HERC2: variants seen among roughly 807,000 people sequenced by gnomAD.
HERC2 encodes the protein E3 ubiquitin-protein ligase HERC2.
HERC2 carries 102 observed loss-of-function variants against 537.7 expected under a neutral mutation model. The ratio of observed to expected loss-of-function variants is 0.19; its 90% CI spans 0.16 to 0.22. The LOEUF (loss-of-function observed/expected upper bound fraction) is 0.22. Ranked by LOEUF, HERC2 falls within the 10% of genes least tolerant of loss-of-function variation. The probability of loss-of-function intolerance (pLI) is 1.00; values close to 1 mark genes in which losing one functional copy is unlikely to be tolerated. For missense variants in HERC2, 4,236 were observed against 6,198.2 expected (o/e 0.68, Z 10.63); for synonymous variants, 2,224 against 2,466.2 (o/e 0.90, Z 2.91).
At chr15:28,192,298 C>T (rs1896926841) in intron 52 of HERC2, 147 bp from the exon 53 acceptor site, 3 of 657,156 alleles carry the variant, frequency 4.6e-6, no homozygotes, top group Non-Finnish European at 7.6e-6. Flanking sequence ...CAAATGGTTT[C>T]CCTAGTCAAG....
intron 7 of HERC2, chr15:28,273,208 A>C: frequency 1.7e-6 from 1 of 603,308 alleles, no homozygotes. Flanking sequence ...ATTTTATTTA[A>C]AGTGTTCACT....
chr15:28,155,487 G>A (rs1892905326), intron 69 of HERC2, among the ~76,000 whole-genome samples: 1 of 152,088 alleles, frequency 6.6e-6, no homozygotes, highest in Admixed American at 6.5e-5. Flanking sequence ...ATCTTATTGT[G>A]GTTTTGATTT....
At chr15:28,209,782 T>C (rs1014979851) in intron 44 of HERC2, among the ~76,000 whole-genome samples, 3 of 152,164 alleles carry the variant, frequency 2.0e-5, no homozygotes, top group African/African-American at 7.2e-5. Context: ...CCCATGGATA[T>C]TCAGGGAAGA....
chr15:28,260,722 A>C (rs529908992), intron 16 of HERC2, 55 bp downstream of exon 16: 206 of 1,486,912 alleles, frequency 1.4e-4, no homozygotes, highest in Non-Finnish European at 1.8e-4. Context: ...ACTGGTAATG[A>C]ACAACTGGAA....
intron 38 of HERC2, among the ~76,000 whole-genome samples, chr15:28,216,276 C>T (rs1947954703): frequency 6.6e-6 from 1 of 152,026 alleles, no homozygotes; most frequent in African/African-American, 2.4e-5. Flanking sequence ...TAAATATCTC[C>T]ACAATCTTGC....
At chr15:28,127,817 A>C (rs1269985371) in intron 83 of HERC2, among the ~76,000 whole-genome samples, 1 of 152,176 alleles carries the variant, frequency 6.6e-6, no homozygotes, top group Non-Finnish European at 1.5e-5. Flanking sequence ...AAATAAATAG[A>C]CTATATACCC....
At chr15:28,317,076 A>G (rs914296221) in intron 2 of HERC2, among the ~76,000 whole-genome samples, 7 of 151,146 alleles carry the variant, frequency 4.6e-5, no homozygotes, top group Admixed American at 4.6e-4. Flanking sequence ...ATCTACTGAT[A>G]TTTCTAAGCA....
intron 2 of HERC2, among the ~76,000 whole-genome samples, chr15:28,311,330 T>A (rs1314193482): frequency 6.6e-6 from 1 of 152,234 alleles, no homozygotes; most frequent in Non-Finnish European, 1.5e-5. Context: ...CCAGGCGTGG[T>A]GGTACGCACC....
chr15:28,213,778 C>T lies in HERC2; in HGVS notation c.6750G>A (p.Arg2250=). 6.2e-7 allele frequency: 1 copy of T among 1,614,004 alleles called. No individual in the cohort carries two copies. Among genetic ancestry groups the T allele is most frequent in the African/African-American group, 1.3e-5 (1 of 75,056 alleles). ...GATTCAATGGGCAAACGCGACACGT[C>T]CGCATGTCAGAGAACTGCACGGTGA... ...GKITVQFSDM[R]TCRVCPLNQL... The change falls in exon 42 of 93, where the codon CGG becomes CGA. Residue 2250 remains arginine, a synonymous_variant. Coordinates refer to ENST00000261609, the MANE Select transcript of HERC2 (RefSeq NM_004667.6).
intron 83 of HERC2, among the ~76,000 whole-genome samples, chr15:28,126,875 TA>T (rs1210747356): frequency 1.3e-5 from 2 of 152,090 alleles, no homozygotes; most frequent in Non-Finnish European, 2.9e-5. Context: ...AAAATAAATT[TA>T]AAAAATAACA....
At position 28,268,648 on chromosome 15, in the gene HERC2, C is replaced by T; in HGVS notation, c.1447-32G>A. 6.3e-7 allele frequency: 1 copy of T among 1,592,192 alleles called. No homozygotes were observed. ...AAGGAAAAATACGAAGAAAAGTAGT[C>T]ATCAGTCCAAGGAAAATGAAACCAG... On this transcript the variant is annotated intron_variant, in intron 11 of 92. Transcript: ENST00000261609. This position sits in a 1 kb window ranked among gnomAD's most constrained non-coding sequence, Gnocchi z 4.7.
chr15:28,240,241 AC>A (rs1472868725), intron 23 of HERC2, among the ~76,000 whole-genome samples: 2 of 152,146 alleles, frequency 1.3e-5, no homozygotes, highest in Non-Finnish European at 2.9e-5. Flanking sequence ...ACACGGTGAA[AC>A]CCCATCTCTA....
intron 19 of HERC2, among the ~76,000 whole-genome samples, 200 bp from the exon 20 acceptor site, chr15:28,254,718 G>A (rs1233274578): frequency 1.3e-5 from 2 of 152,144 alleles, no homozygotes; most frequent in Non-Finnish European, 2.9e-5. Context: ...TCTTTTTACA[G>A]AATCAAGGTC....
At chr15:28,186,038 A>G (rs1596158696) in intron 56 of HERC2, among the ~76,000 whole-genome samples, 1 of 152,208 alleles carries the variant, frequency 6.6e-6, no homozygotes, top group East Asian at 1.9e-4. Context: ...ACTGCACTCA[A>G]AAATTACAGG....
At chr15:28,153,386 G>A (rs79155556) in intron 69 of HERC2, among the ~76,000 whole-genome samples, 1 of 152,082 alleles carries the variant, frequency 6.6e-6, no homozygotes, top group East Asian at 1.9e-4. Context: ...GAGCGCAGTG[G>A]CTCACACTTG....
chr15:28,135,310 C>T lies in HERC2; in HGVS notation c.12230+168G>A, dbSNP rs116390824. ...CAGAGGAATCATACGGGTAAGCCTT[C>T]GTATTGGAACATAAAACTATTTCTG... On this transcript the variant is annotated intron_variant, in intron 79 of 92. Transcript: ENST00000261609. Among the ~76,000 whole-genome samples the T allele has an allele frequency of 4.2e-3, 632 of 152,178 alleles. 6 individuals carry two copies. The highest frequency in any genetic ancestry group is 0.014 in the African/African-American group (592 of 41,490).
chr15:28,172,324 A>G (rs568480508), intron 65 of HERC2, among the ~76,000 whole-genome samples: 1 of 152,350 alleles, frequency 6.6e-6, no homozygotes, highest in South Asian at 2.1e-4. Context: ...CAGCCAACAT[A>G]TATTTGAAAA....
chr15:28,246,753 C>T lies in HERC2; in HGVS notation c.3380G>A (p.Gly1127Glu). The T allele has an allele frequency of 6.3e-7, 1 of 1,585,418 alleles. No individual in the cohort carries two copies. The highest frequency in any genetic ancestry group is 1.2e-5 in the South Asian group (1 of 85,892). ...GAAACAAAAGGTACCAGTAAAGTCCCCTTCCACAATGTAAGCCACCTCCGC... is the reference window on the plus strand; with the variant it reads ...GAAACAAAAGGTACCAGTAAAGTCCTCTTCCACAATGTAAGCCACCTCCGC... ...HFAEVAYIVE[G>E]DFTGVLLPEL... Residue 1127 changes from glycine to glutamate, a missense_variant, in exon 22 of 93, where the codon GGG (glycine) becomes GAG (glutamate). Transcript: ENST00000261609.
chr15:28,113,420 C>A lies in HERC2; in HGVS notation c.14020-137G>T. On this transcript the variant is annotated intron_variant, in intron 91 of 92. Transcript: ENST00000261609. This position sits in a 1 kb window ranked among gnomAD's most constrained non-coding sequence, Gnocchi z 7.0. ...TGGGGGCTCTGGGTGGGCCCACACA[C>A]AGCCTCCTGCAGGCGGGTGGAGGGA... The A allele has an allele frequency of 1.8e-6, 2 of 1,086,650 alleles. No individual in the cohort carries two copies. The highest frequency in any genetic ancestry group is 2.7e-6 in the Non-Finnish European group (2 of 733,274). 67.3% of individuals were successfully genotyped at this position (1,086,650 alleles called of 1,614,324 possible). A position where few individuals can be genotyped will look rare whatever the true frequency, so the allele number is the denominator to read the frequency against.
Sources: allele counts gnomAD v4.1 joint callset (sites outside exome capture counted in the v4.1 genomes callset), GRCh38; gene constraint gnomAD v4.1.1; non-coding constraint Gnocchi (gnomAD v3.1); transcripts MANE v1.5; gene names NCBI Gene and HGNC (gene_info 2026-07-23, HGNC 2026-07-21).